Variants in RUNX1 observed in about 807,000 individuals in gnomAD.
The protein encoded by RUNX1 is runt-related transcription factor 1.
In RUNX1, 19 loss-of-function variants were observed where a neutral mutation model predicts 42.8. The ratio of observed to expected loss-of-function variants is 0.44; its 90% CI spans 0.31 to 0.65. The LOEUF is 0.65. Ranked by LOEUF, RUNX1 falls within the 30% of genes least tolerant of loss-of-function variation. RUNX1 has a pLI of 0.07. For synonymous variants in RUNX1, 271 were observed against 289.4 expected (o/e 0.94, Z 0.64); for missense variants, 528 against 672.0 (o/e 0.79, Z 2.37).
intron 2 of RUNX1, among the ~76,000 whole-genome samples, chr21:35,030,332 G>A (rs2059264472): frequency 1.3e-5 from 2 of 151,398 alleles, no homozygotes; most frequent in African/African-American, 4.9e-5. Context: ...GACAGAGTGA[G>A]ACTCTGTCTC....
chr21:34,835,279 T>C (rs916643342), intron 6 of RUNX1, among the ~76,000 whole-genome samples: 7 of 151,886 alleles, frequency 4.6e-5, no homozygotes, highest in African/African-American at 1.5e-4. Context: ...TAAGGAGGAG[T>C]TGACAGGAAG....
At chr21:34,811,017 C>T (rs1240688513) in intron 7 of RUNX1, among the ~76,000 whole-genome samples, 3 of 152,196 alleles carry the variant, frequency 2.0e-5, no homozygotes, top group Non-Finnish European at 4.4e-5. Context: ...ACAAGGAGCA[C>T]CATAGCCACC....
chr21:34,963,411 A>G (rs1431472168), intron 2 of RUNX1, among the ~76,000 whole-genome samples: 1 of 152,318 alleles, frequency 6.6e-6, no homozygotes, highest in Non-Finnish European at 1.5e-5. Flanking sequence ...CGTGAGGATG[A>G]AAAAGCCCAG....
chr21:35,044,289 C>T lies in RUNX1; in HGVS notation c.58+4553G>A, dbSNP rs539296410. 1.4e-4 allele frequency among the ~76,000 whole-genome samples: 22 copies of T among 152,314 alleles called. No homozygotes were observed. In the East Asian group the frequency reaches 4.2e-3, roughly 29 times the overall value. ...ACTTCCCCTCCCCCAACTCCTGTGTCCCTCTCTCCAGGGAGCCTCCTGTAA... is the reference window on the plus strand; with the variant it reads ...ACTTCCCCTCCCCCAACTCCTGTGTTCCTCTCTCCAGGGAGCCTCCTGTAA... On this transcript the variant is annotated intron_variant, in intron 2 of 8. Transcript: ENST00000675419.
Position 34,934,259 on chromosome 21 carries a change from GT to G in RUNX1, c.59-41297del, listed in dbSNP as rs201204103. ...AAAAGCATATAAGCTTTTGAGTCAA[GT>G]TTTTTTTTAATTTTTTTTTAATCAT... is the stretch of plus-strand genomic sequence containing the variant. On this transcript the variant is annotated intron_variant, in intron 2 of 8. Transcript: ENST00000675419. 5.3e-5 allele frequency among the ~76,000 whole-genome samples: 8 copies of G among 151,180 alleles called. 1 individual carries two copies. In the South Asian group the frequency reaches 1.5e-3, roughly 28 times the overall value.
At chr21:34,955,257 G>A (rs2058636358) in intron 2 of RUNX1, among the ~76,000 whole-genome samples, 1 of 151,844 alleles carries the variant, frequency 6.6e-6, no homozygotes, top group African/African-American at 2.4e-5. Flanking sequence ...AGTTATCCAG[G>A]GGACTCTTAC....
At chr21:34,854,348 A>T (rs77439206) in intron 6 of RUNX1, among the ~76,000 whole-genome samples, 9,058 of 152,214 alleles carry the variant, frequency 0.06, 564 homozygotes, top group African/African-American at 0.16. Context: ...CAAAAATCAG[A>T]CAGAAAGAAA....
At chr21:34,911,528 C>T (rs1708995222) in intron 2 of RUNX1, among the ~76,000 whole-genome samples, 1 of 152,186 alleles carries the variant, frequency 6.6e-6, no homozygotes, top group Non-Finnish European at 1.5e-5. Context: ...GCCTCTGCAG[C>T]CAACCCTCCT....
At chr21:35,045,495 T>C (rs902124632) in intron 2 of RUNX1, among the ~76,000 whole-genome samples, 2 of 152,116 alleles carry the variant, frequency 1.3e-5, no homozygotes, top group African/African-American at 4.8e-5. Context: ...TACAATGCAA[T>C]TGGTATCCTT....
chr21:34,898,731 G>C (rs2058149978), intron 2 of RUNX1, among the ~76,000 whole-genome samples: 1 of 152,052 alleles, frequency 6.6e-6, no homozygotes, highest in Non-Finnish European at 1.5e-5. Flanking sequence ...AAATTCCCTA[G>C]GCAGCACTGC....
intron 7 of RUNX1, among the ~76,000 whole-genome samples, chr21:34,826,888 C>G (rs887431910): frequency 6.6e-6 from 1 of 152,162 alleles, no homozygotes; most frequent in African/African-American, 2.4e-5. Context: ...ACTGTATAAC[C>G]GTGAAGGCTG....
intron 2 of RUNX1, among the ~76,000 whole-genome samples, chr21:34,941,478 A>C (rs1279114683): frequency 6.6e-6 from 1 of 151,814 alleles, no homozygotes; most frequent in Admixed American, 6.6e-5. Flanking sequence ...CTACACAGAG[A>C]GCCTGGCTGT....
At chr21:34,893,243 TAAA>T (rs1452243526) in intron 2 of RUNX1, among the ~76,000 whole-genome samples, 1 of 152,330 alleles carries the variant, frequency 6.6e-6, no homozygotes, top group South Asian at 2.1e-4. Context: ...CGTGTGTGAT[TAAA>T]ATGTGATTTA....
intron 2 of RUNX1, among the ~76,000 whole-genome samples, chr21:34,906,177 G>C (rs1308517587): frequency 6.6e-6 from 1 of 152,182 alleles, no homozygotes; most frequent in Non-Finnish European, 1.5e-5. Flanking sequence ...CAAGAAAACA[G>C]TTTATCATAC....
intron 7 of RUNX1, among the ~76,000 whole-genome samples, chr21:34,824,149 T>C (rs746703016): frequency 9.2e-5 from 14 of 152,196 alleles, no homozygotes; most frequent in Middle Eastern, 3.2e-3. Context: ...TTTAGTGCCA[T>C]TGTTCTATTT....
intron 7 of RUNX1, chr21:34,833,265 T>G (rs2057090115): frequency 6.6e-6 from 1 of 152,170 alleles, no homozygotes; most frequent in Non-Finnish European, 1.5e-5. Context: ...CCACCATGCC[T>G]GCCTAATTTT....
chr21:35,010,352 A>C (rs2059116912), intron 2 of RUNX1, among the ~76,000 whole-genome samples: 2 of 152,072 alleles, frequency 1.3e-5, no homozygotes. Flanking sequence ...TTTTTAAAAA[A>C]AAATCTGGTC....
chr21:34,856,952 G>A (rs755506530), intron 6 of RUNX1, among the ~76,000 whole-genome samples: 9 of 152,258 alleles, frequency 5.9e-5, no homozygotes, highest in Admixed American at 1.3e-4. Flanking sequence ...GAATGAAGAC[G>A]TTCAAACCAT....
At chr21:35,041,544 C>T (rs1247500562) in intron 2 of RUNX1, among the ~76,000 whole-genome samples, 1 of 152,076 alleles carries the variant, frequency 6.6e-6, no homozygotes, top group African/African-American at 2.4e-5. Flanking sequence ...AAATGAACAC[C>T]GATCTTGCAG....
Sources: allele counts gnomAD v4.1 joint callset (sites outside exome capture counted in the v4.1 genomes callset), GRCh38; gene constraint gnomAD v4.1.1; transcripts MANE v1.5; gene names NCBI Gene and HGNC (gene_info 2026-07-23, HGNC 2026-07-21).